The following SLCO5A1 variants were observed in gnomAD, a reference collection of about 807,000 sequenced individuals.
The protein encoded by SLCO5A1 is solute carrier organic anion transporter family member 5A1, also known as organic anion transporter polypeptide-related protein 4.
SLCO5A1 carries 39 observed loss-of-function variants against 65.1 expected under a neutral mutation model. The ratio of observed to expected loss-of-function variants is 0.60; its 90% CI spans 0.46 to 0.78. The LOEUF (loss-of-function observed/expected upper bound fraction) is 0.78, where lower values mean the gene tolerates loss of function less well. Ranked by LOEUF, SLCO5A1 falls within the 30% of genes least tolerant of loss-of-function variation. SLCO5A1 has a pLI of 0.00. For synonymous variants in SLCO5A1, 438 were observed against 415.7 expected (o/e 1.05, Z -0.65); for missense variants, 1,029 against 1,069.4 (o/e 0.96, Z 0.53).
chr8:69,800,041 G>T (rs1299967598), intron 2 of SLCO5A1, among the ~76,000 whole-genome samples: 4 of 151,876 alleles, frequency 2.6e-5, no homozygotes, highest in African/African-American at 9.7e-5. Context: ...TCAAACTAAA[G>T]TTTACTGAAA....
intron 2 of SLCO5A1, among the ~76,000 whole-genome samples, chr8:69,762,198 C>A (rs867457861): frequency 1.2e-5 from 1 of 80,970 alleles, no homozygotes; most frequent in Non-Finnish European, 2.4e-5. Context: ...TTCTTTCTTT[C>A]TTTTTTGAGA....
intron 2 of SLCO5A1, among the ~76,000 whole-genome samples, chr8:69,771,919 G>A (rs967400760): frequency 2.6e-5 from 4 of 152,200 alleles, no homozygotes; most frequent in South Asian, 2.1e-4. Flanking sequence ...GAGCCAGAGG[G>A]CTCTTTATTC....
intron 6 of SLCO5A1, among the ~76,000 whole-genome samples, chr8:69,684,550 A>C (rs1249845205): frequency 3.9e-5 from 6 of 152,214 alleles, no homozygotes; most frequent in Non-Finnish European, 8.8e-5. Context: ...CAAATGGCCC[A>C]AAAGTTACCT....
At chr8:69,784,805 GAAAGAA>G (rs750653655) in intron 2 of SLCO5A1, among the ~76,000 whole-genome samples, 3 of 76,040 alleles carry the variant, frequency 3.9e-5, no homozygotes, top group Admixed American at 1.9e-4. Context: ...AAGAAAGAAA[GAAAGAA>G]AAAGAAAGAA....
intron 5 of SLCO5A1, among the ~76,000 whole-genome samples, chr8:69,731,754 A>T (rs1486345640): frequency 2.6e-5 from 4 of 152,202 alleles, no homozygotes; most frequent in Admixed American, 6.5e-5. Flanking sequence ...GATTAAAATG[A>T]TATAAGTGGG....
intron 2 of SLCO5A1, among the ~76,000 whole-genome samples, chr8:69,778,264 T>C (rs1351321575): frequency 6.6e-6 from 1 of 151,616 alleles, no homozygotes; most frequent in African/African-American, 2.4e-5. Flanking sequence ...TGTGTGTGCA[T>C]ATATGTGTTA....
intron 4 of SLCO5A1, among the ~76,000 whole-genome samples, chr8:69,751,102 A>C (rs748545331): frequency 6.6e-5 from 10 of 152,238 alleles, no homozygotes; most frequent in Non-Finnish European, 1.5e-4. Context: ...CTTAATAAAT[A>C]ATACTAAGCA....
chr8:69,803,511 C>A (rs561038660), intron 2 of SLCO5A1, among the ~76,000 whole-genome samples: 2 of 152,214 alleles, frequency 1.3e-5, no homozygotes, highest in Non-Finnish European at 2.9e-5. Flanking sequence ...GCTGAGATCA[C>A]GCCACTGCAC....
chr8:69,734,932 T>C (rs1320693784), intron 5 of SLCO5A1, among the ~76,000 whole-genome samples: 1 of 151,888 alleles, frequency 6.6e-6, no homozygotes, highest in Non-Finnish European at 1.5e-5. Flanking sequence ...ATTAAACTGA[T>C]AACAATTCAA....
intron 6 of SLCO5A1, among the ~76,000 whole-genome samples, chr8:69,682,723 T>A (rs1055815014): frequency 2.6e-5 from 4 of 152,192 alleles, no homozygotes; most frequent in Non-Finnish European, 5.9e-5. Flanking sequence ...AATTTCTTTA[T>A]AAAATGGAGA....
intron 2 of SLCO5A1, among the ~76,000 whole-genome samples, chr8:69,831,528 G>A (rs1303988320): frequency 6.6e-6 from 1 of 152,184 alleles, no homozygotes; most frequent in Non-Finnish European, 1.5e-5. Context: ...TAAAGTTTAT[G>A]TTACTTGGGA....
rs1813353826 is a variant in SLCO5A1, at chr8:69,672,182, G to A, written c.*687C>T. The A allele has an allele frequency of 6.6e-6, 1 of 152,248 alleles. No individual in the cohort carries two copies. The highest frequency in any genetic ancestry group is 2.4e-5 in the African/African-American group (1 of 41,456). The allele number at this position is 152,248 out of a possible 1,614,324, so 9.4% of individuals were successfully genotyped here. A position where few individuals can be genotyped will look rare whatever the true frequency, so the allele number is the denominator to read the frequency against. On this transcript the variant is annotated 3_prime_UTR_variant, in exon 10 of 10. Transcript: ENST00000260126. Reference sequence around the variant, plus strand: ...TCTTTATCTTAGGATGGGGCAGGCAGACTGAAAGAGAATGTGTCCTACGAC... The same window carrying A: ...TCTTTATCTTAGGATGGGGCAGGCAAACTGAAAGAGAATGTGTCCTACGAC...
intron 2 of SLCO5A1, among the ~76,000 whole-genome samples, chr8:69,780,576 A>C (rs906435595): frequency 1.2e-4 from 18 of 152,224 alleles, no homozygotes; most frequent in African/African-American, 4.3e-4. Flanking sequence ...ACATGTTCTC[A>C]CTTACAAATG....
At chr8:69,786,886 C>G (rs1313291031) in intron 2 of SLCO5A1, among the ~76,000 whole-genome samples, 1 of 152,140 alleles carries the variant, frequency 6.6e-6, no homozygotes, top group Non-Finnish European at 1.5e-5. Flanking sequence ...ACAACTCAGC[C>G]TAACAAAATA....
intron 2 of SLCO5A1, among the ~76,000 whole-genome samples, chr8:69,789,183 G>C (rs747142298): frequency 1.3e-5 from 2 of 152,186 alleles, no homozygotes; most frequent in African/African-American, 4.8e-5. Flanking sequence ...AGCTACTATA[G>C]AGCACCATCA....
At chr8:69,726,514 T>TTG (rs146065041) in intron 5 of SLCO5A1, among the ~76,000 whole-genome samples, 10,973 of 137,032 alleles carry the variant, frequency 0.08, 469 homozygotes, top group African/African-American at 0.089. Flanking sequence ...TTTTTTTTTT[T>TTG]GGGGGGACAG....
chr8:69,700,096 A>T (rs1001163676), intron 6 of SLCO5A1: 2 of 152,276 alleles, frequency 1.3e-5, no homozygotes, highest in African/African-American at 4.8e-5. Flanking sequence ...ACCCTGTTTC[A>T]AAAAAATAAA....
intron 6 of SLCO5A1, among the ~76,000 whole-genome samples, chr8:69,685,712 T>G (rs181810876): frequency 6.6e-6 from 1 of 152,164 alleles, no homozygotes; most frequent in East Asian, 1.9e-4. Flanking sequence ...TTGCTAACTT[T>G]AAAGAATGGG....
At chr8:69,706,052 A>G (rs921969098) in intron 5 of SLCO5A1, among the ~76,000 whole-genome samples, 1 of 152,250 alleles carries the variant, frequency 6.6e-6, no homozygotes, top group Non-Finnish European at 1.5e-5. Flanking sequence ...TAATAAATAT[A>G]TCATATATGG....
Sources: gnomAD v4.1 joint callset for allele counts (sites outside exome capture counted in the v4.1 genomes callset) on GRCh38, gnomAD v4.1.1 for gene constraint, MANE v1.5 for transcripts, NCBI Gene and HGNC (gene_info 2026-07-23, HGNC 2026-07-21) for gene names.